CORO1B: variants seen among roughly 807,000 people sequenced by gnomAD.
The protein encoded by CORO1B is coronin 1B, also known as coronin-1B.
A neutral mutation model predicts 51.1 loss-of-function variants in CORO1B; 30 were observed. The observed-to-expected ratio is 0.59, with a 90% CI of 0.44 to 0.80. The LOEUF (loss-of-function observed/expected upper bound fraction) is 0.80, where lower values mean the gene tolerates loss of function less well. CORO1B is among the 30% of genes least tolerant of loss of function. The pLI is 0.00. For synonymous variants in CORO1B, 310 were observed against 289.7 expected, an observed-to-expected ratio of 1.07 and a Z score of -0.71; for missense variants, 648 against 700.4, an observed-to-expected ratio of 0.93 and a Z score of 0.84.
In CORO1B at chr11:67,435,959, T is replaced by G; in HGVS notation, c.*2417A>C. On this transcript the variant is annotated 3_prime_UTR_variant, in exon 11 of 11. Transcript: ENST00000341356. Reference sequence around the variant, plus strand: ...TGGGCTGGACGCCTCTCCACATTGCTGCTCGCCTTCCCCAGGGTCAGCCTG... The same window carrying G: ...TGGGCTGGACGCCTCTCCACATTGCGGCTCGCCTTCCCCAGGGTCAGCCTG... The G allele has an allele frequency of 6.2e-7, 1 of 1,613,634 alleles. No individual in the cohort carries two copies. The highest frequency in any genetic ancestry group is 8.5e-7 in the Non-Finnish European group (1 of 1,179,898).
At position 67,439,688 on chromosome 11, in the gene CORO1B, C is replaced by T. The variant is rs535713038; in HGVS notation, c.1065+98G>A. On this transcript the variant is annotated intron_variant, in intron 9 of 10. Coordinates refer to ENST00000341356, the MANE Select transcript of CORO1B (RefSeq NM_020441.3). ...TCCAGCTCACTGCCCACAAACCATA[C>T]TAGGTCATGTTCCATTCACAGGCCT... 2.2e-5 allele frequency: 28 copies of T among 1,255,696 alleles called. No individual in the cohort carries two copies. In the African/African-American group the frequency reaches 3.7e-4, roughly 17 times the overall value. 77.8% of individuals were successfully genotyped at this position (1,255,696 alleles called of 1,614,324 possible).
At position 67,438,300 on chromosome 11, in the gene CORO1B, C is replaced by T. The variant is rs1297697622; in HGVS notation, c.*76G>A. Reference sequence around the variant, plus strand: ...TCAGAGGCTCTGGGCAGCCAGCTAGCCCGGTGCGACCCGCTGGCAGAAGCT... The same window carrying T: ...TCAGAGGCTCTGGGCAGCCAGCTAGTCCGGTGCGACCCGCTGGCAGAAGCT... On this transcript the variant is annotated 3_prime_UTR_variant, in exon 11 of 11. Coordinates refer to ENST00000341356, the MANE Select transcript of CORO1B (RefSeq NM_020441.3). The T allele has an allele frequency of 3.9e-6, 6 of 1,534,074 alleles. No homozygotes were observed. Among genetic ancestry groups the T allele is most frequent in the Non-Finnish European group, 5.3e-6 (6 of 1,138,954 alleles).
rs779083094 is a variant in CORO1B, at chr11:67,438,920, G to A, written c.1095C>T (p.Pro365=). The change falls in exon 10 of 11, where the codon CCC becomes CCT. Residue 365 remains proline, a synonymous_variant. Transcript: ENST00000341356. ...GGGCTGCCTCGGGCCCGGCTGTGTC[G>A]GGGTACAGATCATCCTGGAAGAGGT... ...KSDLFQDDLY[P]DTAGPEAALE... is the part of the protein sequence containing the mutation. The A allele has an allele frequency of 1.6e-5, 25 of 1,608,762 alleles. No individual in the cohort carries two copies. Among genetic ancestry groups the A allele is most frequent in the South Asian group, 4.4e-5 (4 of 90,524 alleles).
chr11:67,441,549 G>C (rs375262444), intron 4 of CORO1B, 35 bp from the exon 5 acceptor site: 455 of 1,595,728 alleles, frequency 2.9e-4, no homozygotes, highest in Non-Finnish European at 3.6e-4. Flanking sequence ...GGGCCGGGTG[G>C]GTGGCAGGAG....
At chr11:67,439,674 G>T in intron 9 of CORO1B, 112 bp downstream of exon 9, 1 of 1,170,808 alleles carries the variant, frequency 8.5e-7, no homozygotes, top group Non-Finnish European at 1.2e-6. Flanking sequence ...CCAGCTCACT[G>T]CCCACAAACC....
In CORO1B at chr11:67,441,476, C is replaced by T; in HGVS notation, c.493G>A (p.Ala165Thr). ...CTGTCCAGGCGGTACAGCTCCTCCG[C>T]TGTGCCCACATTCCAGATGAGTACC... ...NVVLIWNVGTAEELYRLDSLH... is the reference protein window; with the variant it reads ...NVVLIWNVGTTEELYRLDSLH... Residue 165 changes from alanine (A) to threonine (T), a missense_variant, in exon 5 of 11, where the codon GCG becomes ACG. Ala to Thr is a moderately conservative substitution (Grantham distance 58, BLOSUM62 0). Coordinates refer to ENST00000341356, the MANE Select transcript of CORO1B (RefSeq NM_020441.3). The T allele has an allele frequency of 6.2e-7, 1 of 1,613,802 alleles. No individual in the cohort carries two copies. The highest frequency in any genetic ancestry group is 8.5e-7 in the Non-Finnish European group (1 of 1,180,010).
Position 67,438,963 on chromosome 11 carries a change from C to T in CORO1B, c.1066-14G>A, listed in dbSNP as rs1252107841. On this transcript the variant is annotated splice_polypyrimidine_tract_variant and intron_variant, in intron 9 of 10. Coordinates refer to ENST00000341356, the MANE Select transcript of CORO1B (RefSeq NM_020441.3). ...GAAGAGGTCCGACTGGGCAGGGGGC[C>T]GGGGAGGTCAGGATCAGTTAGGAGG... 6 of 1,591,744 alleles carry T rather than the reference C, an allele frequency of 3.8e-6. No homozygotes were observed. Among genetic ancestry groups the T allele is most frequent in the South Asian group, 2.2e-5 (2 of 89,452 alleles).
At chr11:67,440,584 C>T in intron 6 of CORO1B, 145 bp from the exon 7 acceptor site, 1 of 770,478 alleles carries the variant, frequency 1.3e-6, no homozygotes, top group South Asian at 1.5e-5. Flanking sequence ...TGCCTTTTCC[C>T]ACATGACGAC....
In CORO1B at chr11:67,440,370, C is replaced by T. The variant is rs754843066; in HGVS notation, c.826G>A (p.Asp276Asn). 8 of 1,613,852 alleles carry T rather than the reference C, an allele frequency of 5.0e-6. No individual in the cohort carries two copies. The highest frequency in any genetic ancestry group is 2.2e-5 in the East Asian group (1 of 44,876). Residue 276 changes from aspartate to asparagine, a missense_variant, in exon 7 of 11, where the codon GAC becomes AAC. Transcript: ENST00000341356. ...ACGTAGACCACACTGGTGTCGGGGT[C>T]GTAGAAGGGCAGCAGGGCCCCGTTG... ...SSNGALLPFY[D>N]PDTSVVYVCG...
intron 6 of CORO1B, chr11:67,440,718 G>T: frequency 1.5e-6 from 1 of 657,060 alleles, no homozygotes; most frequent in Admixed American, 2.1e-5. Context: ...GTGGGGAGCT[G>T]GGGTGCCAGC....
rs1486291780 is a variant in CORO1B at position 67,435,942 on chromosome 11, A to G, written c.*2434T>C. On this transcript the variant is annotated 3_prime_UTR_variant, in exon 11 of 11. Transcript: ENST00000341356. Reference sequence around the variant, plus strand: ...CGCACGGGGACCTGCTCTGGGCTGGACGCCTCTCCACATTGCTGCTCGCCT... The same window carrying G: ...CGCACGGGGACCTGCTCTGGGCTGGGCGCCTCTCCACATTGCTGCTCGCCT... 6.2e-7 allele frequency: 1 copy of G among 1,613,410 alleles called. No homozygotes were observed. The highest frequency in any genetic ancestry group is 1.7e-5 in the Admixed American group (1 of 59,998).
At chr11:67,439,114 C>T (rs1864348351) in intron 9 of CORO1B, among the ~76,000 whole-genome samples, 165 bp from the exon 10 acceptor site, 1 of 152,254 alleles carries the variant, frequency 6.6e-6, no homozygotes, top group Admixed American at 6.5e-5. Context: ...CAACAGCTCC[C>T]TCGGAAGCTT....
Position 67,438,304 on chromosome 11 carries a change from G to A in CORO1B, c.*72C>T, listed in dbSNP as rs1864327053. On this transcript the variant is annotated 3_prime_UTR_variant, in exon 11 of 11. Coordinates refer to ENST00000341356, the MANE Select transcript of CORO1B (RefSeq NM_020441.3). Reference sequence around the variant, plus strand: ...AGGCTCTGGGCAGCCAGCTAGCCCGGTGCGACCCGCTGGCAGAAGCTGAGT... The same window carrying A: ...AGGCTCTGGGCAGCCAGCTAGCCCGATGCGACCCGCTGGCAGAAGCTGAGT... 1.3e-6 allele frequency: 2 copies of A among 1,538,702 alleles called. No individual in the cohort carries two copies. Among genetic ancestry groups the A allele is most frequent in the Admixed American group, 3.5e-5 (2 of 56,468 alleles).
chr11:67,437,577 T>C lies in CORO1B; in HGVS notation c.*799A>G. On this transcript the variant is annotated 3_prime_UTR_variant, in exon 11 of 11. Coordinates refer to ENST00000341356, the MANE Select transcript of CORO1B (RefSeq NM_020441.3). Reference sequence around the variant, plus strand: ...CAGACATTCTAGCCCCGACCGCCTGTGGCCCCCATCCCAAGAACCCGGGGG... The same window carrying C: ...CAGACATTCTAGCCCCGACCGCCTGCGGCCCCCATCCCAAGAACCCGGGGG... 1 of 1,343,606 alleles carries C rather than the reference T, an allele frequency of 7.4e-7. No individual in the cohort carries two copies. Among genetic ancestry groups the C allele is most frequent in the Non-Finnish European group, 9.6e-7 (1 of 1,038,212 alleles). 83.2% of individuals were successfully genotyped at this position (1,343,606 alleles called of 1,614,324 possible). A position where few individuals can be genotyped will look rare whatever the true frequency, so the allele number is the denominator to read the frequency against.
chr11:67,435,555 G>T lies in CORO1B; in HGVS notation c.*2821C>A. 1 of 909,894 alleles carries T rather than the reference G, an allele frequency of 1.1e-6. No homozygotes were observed. Among genetic ancestry groups the T allele is most frequent in the Non-Finnish European group, 1.6e-6 (1 of 637,414 alleles). 56.4% of individuals were successfully genotyped at this position (909,894 alleles called of 1,614,324 possible). Reference sequence around the variant, plus strand: ...TTTCAAATGGTTGCCTGATGCCTGTGGTTGGGGGGGGCCGTTCCCGTGGTG... The same window carrying T: ...TTTCAAATGGTTGCCTGATGCCTGTTGTTGGGGGGGGCCGTTCCCGTGGTG... On this transcript the variant is annotated 3_prime_UTR_variant, in exon 11 of 11. Transcript: ENST00000341356.
In CORO1B at chr11:67,441,244, C is replaced by T. The variant is rs1864387344; in HGVS notation, c.637G>A (p.Glu213Lys). ...IDPRRGTLVA[E>K]REKAHEGARP... ...GCCCCCTCATGAGCCTTCTCCCGCT[C>T]CTGTCGGGGGGACAGGCTGGTCAGT... Residue 213 changes from glutamate to lysine, a missense_variant and splice_region_variant, in exon 6 of 11, where the codon GAG becomes AAG. Coordinates refer to ENST00000341356, the MANE Select transcript of CORO1B (RefSeq NM_020441.3). The T allele has an allele frequency of 1.2e-5, 20 of 1,613,088 alleles. No individual in the cohort carries two copies. The highest frequency in any genetic ancestry group is 1.7e-5 in the Non-Finnish European group (20 of 1,179,964).
Position 67,443,470 on chromosome 11 carries a change from G to C in CORO1B, c.-69C>G. On this transcript the variant is annotated 5_prime_UTR_variant, in exon 1 of 11. Transcript: ENST00000341356. ...GGCGGCTCCGGATCCCGGCCTCTGG[G>C]AAGCAGGAAGCAGGATTCAGGAAGT... 2 of 986,090 alleles carry C rather than the reference G, an allele frequency of 2.0e-6. No homozygotes were observed. Among genetic ancestry groups the C allele is most frequent in the Non-Finnish European group, 2.4e-6 (2 of 830,040 alleles). The allele number at this position is 986,090 out of a possible 1,614,324, so 61.1% of individuals were successfully genotyped here. A position where few individuals can be genotyped will look rare whatever the true frequency, so the allele number is the denominator to read the frequency against.
intron 6 of CORO1B, 101 bp from the exon 7 acceptor site, chr11:67,440,540 C>T: frequency 1.9e-6 from 2 of 1,057,368 alleles, no homozygotes; most frequent in Non-Finnish European, 2.9e-6. Flanking sequence ...GCCAGCACTG[C>T]CCCTAAATGC....
rs1864295437 is a variant in CORO1B at position 67,436,886 on chromosome 11, G to C, written c.*1490C>G. On this transcript the variant is annotated 3_prime_UTR_variant, in exon 11 of 11. Coordinates refer to ENST00000341356, the MANE Select transcript of CORO1B (RefSeq NM_020441.3). ...GCTGCTAGGAAACGGGGGCTTTTTG[G>C]GTCAAGCATGTTAGTAGGTGCTCAA... The C allele has an allele frequency of 6.5e-6, 1 of 153,404 alleles. No homozygotes were observed. Among genetic ancestry groups the C allele is most frequent in the Admixed American group, 6.5e-5 (1 of 15,342 alleles). The allele number at this position is 153,404 out of a possible 1,614,324, so 9.5% of individuals were successfully genotyped here.
Sources: gnomAD v4.1 joint callset for allele counts (sites outside exome capture counted in the v4.1 genomes callset) on GRCh38, gnomAD v4.1.1 for gene constraint, MANE v1.5 for transcripts, NCBI Gene and HGNC (gene_info 2026-07-23, HGNC 2026-07-21) for gene names.